Variants in LCORL observed in about 807,000 individuals in gnomAD.
LCORL encodes the protein ligand-dependent nuclear receptor corepressor-like protein.
In LCORL, 41 loss-of-function variants were observed where a neutral mutation model predicts 141.8. The observed-to-expected ratio is 0.29, with a 90% CI of 0.23 to 0.38. LCORL has a LOEUF of 0.38. Ranked by LOEUF, LCORL falls within the 10% of genes least tolerant of loss-of-function variation. LCORL has a pLI of 1.00. For missense variants in LCORL, 1,759 were observed against 2,035.0 expected (o/e 0.86, Z 2.61); for synonymous variants, 618 against 694.1 (o/e 0.89, Z 1.72).
chr4:17,944,900 CTT>C (rs1738603289), intron 4 of LCORL, among the ~76,000 whole-genome samples: 2 of 152,092 alleles, frequency 1.3e-5, no homozygotes, highest in South Asian at 4.1e-4. Flanking sequence ...TACAGATAAA[CTT>C]TACAAAAACA....
intron 2 of LCORL, among the ~76,000 whole-genome samples, chr4:17,965,245 T>A (rs1714638518): frequency 6.6e-6 from 1 of 152,196 alleles, no homozygotes. Context: ...TCTTTCTATA[T>A]TAACTTTTTA....
At chr4:17,954,415 G>A (rs1047937411) in intron 4 of LCORL, among the ~76,000 whole-genome samples, 4 of 152,114 alleles carry the variant, frequency 2.6e-5, no homozygotes, top group African/African-American at 4.8e-5. Flanking sequence ...TCAAAAGAAC[G>A]AATAATAAGA....
intron 1 of LCORL, among the ~76,000 whole-genome samples, chr4:18,004,537 C>A (rs1722480453): frequency 6.6e-6 from 1 of 152,124 alleles, no homozygotes; most frequent in South Asian, 2.1e-4. Flanking sequence ...AATCCAATCA[C>A]CTCCCACCAG....
chr4:17,916,452 G>A (rs1448211414), intron 4 of LCORL, among the ~76,000 whole-genome samples: 1 of 152,026 alleles, frequency 6.6e-6, no homozygotes, highest in Non-Finnish European at 1.5e-5. Context: ...GTCCACGTGA[G>A]ATCTGGTTGT....
chr4:17,974,062 A>G (rs1716480344), intron 1 of LCORL, among the ~76,000 whole-genome samples: 1 of 152,090 alleles, frequency 6.6e-6, no homozygotes, highest in South Asian at 2.1e-4. Flanking sequence ...CGAGCAAGCT[A>G]TCATACTGGG....
chr4:17,849,302 C>G (rs1414993063), intron 7 of LCORL, among the ~76,000 whole-genome samples: 2 of 152,164 alleles, frequency 1.3e-5, no homozygotes, highest in Non-Finnish European at 1.5e-5. Context: ...ACACCTCACA[C>G]GGCCGGGTAC....
intron 6 of LCORL, 85 bp from the exon 7 acceptor site, chr4:17,878,298 A>G (rs1344626963): frequency 4.2e-6 from 4 of 945,388 alleles, no homozygotes; most frequent in African/African-American, 1.7e-5. Flanking sequence ...TTGAAAAAAG[A>G]TATTTTGGTA....
chr4:17,933,225 T>C (rs1736334366), intron 4 of LCORL, among the ~76,000 whole-genome samples: 1 of 152,080 alleles, frequency 6.6e-6, no homozygotes, highest in Admixed American at 6.5e-5. Context: ...GCTATGTAGT[T>C]TCAAATATAT....
exon 7 of LCORL, chr4:17,876,453 A>G (rs369057292): frequency 1.1e-5 from 13 of 1,230,604 alleles, no homozygotes; most frequent in African/African-American, 1.6e-5. Context: ...TTTTTTGGCT[A>G]TACTTATTGT....
chr4:17,893,554 G>A (rs1729429265), intron 5 of LCORL: 1 of 985,208 alleles, frequency 1.0e-6, no homozygotes, highest in Non-Finnish European at 1.2e-6. Flanking sequence ...GGTTTGGAAG[G>A]ACTGAACACA....
intron 6 of LCORL, among the ~76,000 whole-genome samples, chr4:17,879,244 A>G (rs2109194789): frequency 6.6e-6 from 1 of 151,300 alleles, no homozygotes; most frequent in African/African-American, 2.4e-5. Context: ...GAAGTGGAAT[A>G]TTTTTATTTT....
chr4:17,845,779 G>A, exon 8 of LCORL: 1 of 1,613,598 alleles, frequency 6.2e-7, no homozygotes, highest in Non-Finnish European at 8.5e-7. Context: ...TAGAGATGCT[G>A]TTGTCAAATT....
intron 1 of LCORL, among the ~76,000 whole-genome samples, chr4:18,014,106 C>A (rs1259703091): frequency 6.6e-6 from 1 of 151,938 alleles, no homozygotes; most frequent in African/African-American, 2.4e-5. Context: ...CCGTGCCCGG[C>A]CTGCAATTTA....
intron 4 of LCORL, among the ~76,000 whole-genome samples, chr4:17,946,082 A>C (rs1738831086): frequency 6.6e-6 from 1 of 152,024 alleles, no homozygotes. Flanking sequence ...AATTTGTGGC[A>C]GGAAAACTGC....
chr4:17,879,192 C>T (rs994992735), intron 6 of LCORL, among the ~76,000 whole-genome samples: 1 of 150,912 alleles, frequency 6.6e-6, no homozygotes, highest in Non-Finnish European at 1.5e-5. Context: ...CAGAATTATG[C>T]TCATCTATAT....
intron 6 of LCORL, among the ~76,000 whole-genome samples, chr4:17,879,982 C>A (rs1727348353): frequency 6.6e-6 from 1 of 150,876 alleles, no homozygotes; most frequent in Non-Finnish European, 1.5e-5. Context: ...GTTATAATAC[C>A]AACTTGATTA....
intron 4 of LCORL, among the ~76,000 whole-genome samples, chr4:17,955,065 T>C (rs1712315144): frequency 6.6e-6 from 1 of 152,168 alleles, no homozygotes; most frequent in Admixed American, 6.5e-5. Context: ...AGTGAGTGAA[T>C]GTATATCAAG....
intron 5 of LCORL, among the ~76,000 whole-genome samples, chr4:17,901,702 T>C (rs7693627): frequency 0.027 from 4,036 of 151,780 alleles, 56 homozygotes; most frequent in South Asian, 0.031. Flanking sequence ...ACAAACTTAA[T>C]AGCAGTAGAG....
chr4:17,951,504 G>T (rs183098736), intron 4 of LCORL, among the ~76,000 whole-genome samples: 1 of 152,066 alleles, frequency 6.6e-6, no homozygotes, highest in Non-Finnish European at 1.5e-5. Context: ...AGATCTCTAT[G>T]GTTTGCTACC....
Sources: gnomAD v4.1 joint callset for allele counts (sites outside exome capture counted in the v4.1 genomes callset) on GRCh38, gnomAD v4.1.1 for gene constraint, MANE v1.5 for transcripts, NCBI Gene and HGNC (gene_info 2026-07-23, HGNC 2026-07-21) for gene names.